The following ZNRF2 variants were observed in gnomAD, a reference collection of about 807,000 sequenced individuals.
ZNRF2 encodes E3 ubiquitin-protein ligase ZNRF2.
Under a neutral mutation model 20.4 loss-of-function variants are expected in ZNRF2, and 16 were observed. The observed-to-expected ratio is 0.79, with a 90% confidence interval of 0.53 to 1.19. The LOEUF (loss-of-function observed/expected upper bound fraction) is 1.19, where lower values mean the gene tolerates loss of function less well. ZNRF2 is among the 50% of genes most tolerant of loss of function. ZNRF2 has a pLI of 0.00. For missense variants in ZNRF2, 363 were observed against 332.4 expected, an observed-to-expected ratio of 1.09 and a Z score of -0.72; for synonymous variants, 178 against 144.9, an observed-to-expected ratio of 1.23 and a Z score of -1.64.
chr7:30,330,425 G>C (rs1799619624), intron 2 of ZNRF2, among the ~76,000 whole-genome samples: 1 of 152,094 alleles, frequency 6.6e-6, no homozygotes, highest in Non-Finnish European at 1.5e-5. Context: ...GATGAAAAAA[G>C]CTGCCAATTG....
At chr7:30,362,325 T>A in intron 3 of ZNRF2, 52 bp from the exon 4 acceptor site, 1 of 1,230,676 alleles carries the variant, frequency 8.1e-7, no homozygotes, top group Middle Eastern at 2.2e-4. Context: ...GCTCTCATTA[T>A]ATAAATAATT....
chr7:30,285,385 G>A lies in ZNRF2; in HGVS notation c.28G>A (p.Ala10Thr). ...GGGCGCCAAACAGAGCGGCCCGGCC[G>A]CCGCTAACGGCCGCACGCGCGCGTA... MGAKQSGPA[A>T]ANGRTRAYSG... Residue 10 changes from alanine (A) to threonine (T), a missense_variant, in exon 1 of 5, where the codon GCC (alanine) becomes ACC (threonine). Ala to Thr is a moderately conservative substitution (Grantham distance 58). This residue lies in a region of ZNRF2 where 302 missense variants were observed against 231.5 expected (regional missense o/e 1.30). Coordinates refer to ENST00000323037, the MANE Select transcript of ZNRF2 (RefSeq NM_147128.4). 1 of 1,239,744 alleles carries A rather than the reference G, an allele frequency of 8.1e-7. No homozygotes were observed. The highest frequency in any genetic ancestry group is 1.0e-6 in the Non-Finnish European group (1 of 974,728). 76.8% of individuals were successfully genotyped at this position (1,239,744 alleles called of 1,614,324 possible).
chr7:30,295,050 A>AGTGTGTGTGTGTGTGT (rs71536219), intron 1 of ZNRF2, among the ~76,000 whole-genome samples: 4 of 38,284 alleles, frequency 1.0e-4, no homozygotes, highest in East Asian at 1.0e-3. Flanking sequence ...AGAGAGAGAG[A>AGTGTGTGTGTGTGTGT]GTGTGTGTGT....
chr7:30,317,277 A>G (rs1158949566), intron 1 of ZNRF2, among the ~76,000 whole-genome samples: 2 of 152,194 alleles, frequency 1.3e-5, no homozygotes, highest in South Asian at 2.1e-4. Flanking sequence ...ATAATATGCA[A>G]TTTCTGCCCC....
chr7:30,330,063 G>T (rs989663923), intron 2 of ZNRF2, among the ~76,000 whole-genome samples: 3 of 152,022 alleles, frequency 2.0e-5, no homozygotes, highest in African/African-American at 7.2e-5. Context: ...GATTGTATTG[G>T]TCTTTAAACT....
At chr7:30,342,045 C>T (rs1163908682) in intron 2 of ZNRF2, among the ~76,000 whole-genome samples, 1 of 149,110 alleles carries the variant, frequency 6.7e-6, no homozygotes, top group East Asian at 1.9e-4. Flanking sequence ...ATTTCAACCC[C>T]TGCTTTTTTT....
At chr7:30,294,171 C>T (rs28428696) in intron 1 of ZNRF2, among the ~76,000 whole-genome samples, 5,210 of 151,976 alleles carry the variant, frequency 0.034, 326 homozygotes, top group African/African-American at 0.12. Flanking sequence ...CTATTCTGTT[C>T]GTTCTCATTT....
chr7:30,295,919 C>A (rs1178697432), intron 1 of ZNRF2, among the ~76,000 whole-genome samples: 1 of 152,200 alleles, frequency 6.6e-6, no homozygotes, highest in Non-Finnish European at 1.5e-5. Context: ...TTCCCAACTG[C>A]TCAGATTTTG....
chr7:30,314,165 C>T (rs1799330376), intron 1 of ZNRF2, among the ~76,000 whole-genome samples: 1 of 152,112 alleles, frequency 6.6e-6, no homozygotes, highest in African/African-American at 2.4e-5. Flanking sequence ...TTTATTAATT[C>T]AAACAAATTT....
At position 30,285,645 on chromosome 7, in the gene ZNRF2, G is replaced by T; in HGVS notation, c.288G>T (p.Ala96=). Residue 96 remains alanine, a synonymous_variant, in exon 1 of 5, where the codon GCG becomes GCT. Transcript: ENST00000323037. ...AVGSVASGAR[A]AQSPFSIPNS... ...GGAGCGTGGCGTCGGGGGCCCGCGC[G>T]GCGCAGTCCCCCTTCAGCATCCCGA... 1 of 1,291,692 alleles carries T rather than the reference G, an allele frequency of 7.7e-7. No individual in the cohort carries two copies. Among genetic ancestry groups the T allele is most frequent in the Non-Finnish European group, 9.8e-7 (1 of 1,021,392 alleles). The allele number at this position is 1,291,692 out of a possible 1,614,324, so 80.0% of individuals were successfully genotyped here.
At position 30,285,662 on chromosome 7, in the gene ZNRF2, G is replaced by C; in HGVS notation, c.305G>C (p.Ser102Thr). ...SGARAAQSPF[S>T]IPNSSSGPYG... ...GCCCGCGCGGCGCAGTCCCCCTTCA[G>C]CATCCCGAACAGCAGCAGCGGCCCG... The change falls in exon 1 of 5, where the codon AGC becomes ACC. Residue 102 changes from serine (S) to threonine (T), a missense_variant. This residue lies in a region of ZNRF2 where 302 missense variants were observed against 231.5 expected (regional missense o/e 1.30). Transcript: ENST00000323037. The C allele has an allele frequency of 7.1e-7, 1 of 1,415,534 alleles. No homozygotes were observed. The highest frequency in any genetic ancestry group is 1.4e-5 in the South Asian group (1 of 69,324). 87.7% of individuals were successfully genotyped at this position (1,415,534 alleles called of 1,614,324 possible).
At chr7:30,358,212 A>G (rs1207343216) in intron 3 of ZNRF2, among the ~76,000 whole-genome samples, 1 of 152,222 alleles carries the variant, frequency 6.6e-6, no homozygotes, top group African/African-American at 2.4e-5. Context: ...GTGAGAGTTC[A>G]GCAGGGTTGC....
intron 2 of ZNRF2, among the ~76,000 whole-genome samples, chr7:30,331,825 C>G (rs1439291270): frequency 6.6e-6 from 1 of 152,046 alleles, no homozygotes; most frequent in Non-Finnish European, 1.5e-5. Context: ...TTACCGTGTT[C>G]CATTTGTGTT....
intron 1 of ZNRF2, among the ~76,000 whole-genome samples, chr7:30,292,280 T>C (rs1011050198): frequency 3.9e-5 from 6 of 152,242 alleles, no homozygotes; most frequent in Admixed American, 2.6e-4. Context: ...ATCCATGGGT[T>C]ACATATTCTT....
chr7:30,314,343 C>A (rs1799334315), intron 1 of ZNRF2, among the ~76,000 whole-genome samples: 2 of 152,056 alleles, frequency 1.3e-5, no homozygotes, highest in South Asian at 4.1e-4. Context: ...TAACATTGTA[C>A]AACATAGCAT....
At chr7:30,355,613 A>G (rs1800024371) in intron 2 of ZNRF2, 115 bp from the exon 3 acceptor site, 7 of 720,414 alleles carry the variant, frequency 9.7e-6, no homozygotes, top group Non-Finnish European at 1.6e-5. Context: ...TTTCTGGCGA[A>G]AAGATATGCC....
At chr7:30,315,727 C>CGGGG (rs70980597) in intron 1 of ZNRF2, among the ~76,000 whole-genome samples, 3 of 28,402 alleles carry the variant, frequency 1.1e-4, no homozygotes, top group African/African-American at 3.8e-4. Flanking sequence ...AAAGGTGGGG[C>CGGGG]GGGGGGGGGG....
At position 30,285,935 on chromosome 7, in the gene ZNRF2, G is replaced by T. The variant is rs1798779435; in HGVS notation, c.469+109G>T. ...CCTTTTCTCCTTCTGCCGGGGCGCCGGGGGCTGCCTCCCGGACCAGCCCGC... is the reference window on the plus strand; with the variant it reads ...CCTTTTCTCCTTCTGCCGGGGCGCCTGGGGCTGCCTCCCGGACCAGCCCGC... On this transcript the variant is annotated intron_variant, in intron 1 of 4. Transcript: ENST00000323037. The T allele has an allele frequency of 1.6e-5, 21 of 1,322,132 alleles. No homozygotes were observed. In the South Asian group the frequency reaches 3.8e-4, roughly 24 times the overall value. The allele number at this position is 1,322,132 out of a possible 1,614,324, so 81.9% of individuals were successfully genotyped here. A position where few individuals can be genotyped will look rare whatever the true frequency, so the allele number is the denominator to read the frequency against.
At position 30,285,603 on chromosome 7, in the gene ZNRF2, C is replaced by T; in HGVS notation, c.246C>T (p.Ser82=). The T allele has an allele frequency of 3.4e-6, 4 of 1,163,606 alleles. No homozygotes were observed. The highest frequency in any genetic ancestry group is 4.2e-6 in the Non-Finnish European group (4 of 945,306). The allele number at this position is 1,163,606 out of a possible 1,614,324, so 72.1% of individuals were successfully genotyped here. The change falls in exon 1 of 5, where the codon TCC becomes TCT. Residue 82 remains serine (S), a synonymous_variant. Coordinates refer to ENST00000323037, the MANE Select transcript of ZNRF2 (RefSeq NM_147128.4). The stretch of plus-strand genomic sequence containing the variant: ...CCCCGGCGGCCCCGCGCAGCCGCTC[C>T]CTCGGCGGGGCCGTGGGGAGCGTGG... ...PAAPAAPRSR[S]LGGAVGSVAS... is the part of the protein sequence containing the mutation.
Sources: allele counts gnomAD v4.1 joint callset (sites outside exome capture counted in the v4.1 genomes callset), GRCh38; gene constraint gnomAD v4.1.1; regional missense constraint gnomAD v4.1.1; transcripts MANE v1.5; gene names NCBI Gene and HGNC (gene_info 2026-07-23, HGNC 2026-07-21).